OR7C1: variants seen among roughly 807,000 people sequenced by gnomAD.
The protein encoded by OR7C1 is olfactory receptor family 7 subfamily C member 1, also known as olfactory receptor 7C1.
For synonymous variants in OR7C1, 152 were observed against 160.7 expected (o/e 0.95, Z 0.41); for missense variants, 324 against 383.3 (o/e 0.85, Z 1.29).
chr19:14,828,256 T>G (rs775922417), intron 1 of OR7C1: 1 of 1,595,360 alleles, frequency 6.3e-7, no homozygotes, highest in Non-Finnish European at 8.6e-7. Context: ...TTGAAGTGAC[T>G]ATCAGAGAGA....
chr19:14,818,481 G>T (rs1044190890), intron 1 of OR7C1, among the ~76,000 whole-genome samples: 1 of 152,192 alleles, frequency 6.6e-6, no homozygotes, highest in Non-Finnish European at 1.5e-5. Context: ...AAAGGGGTAT[G>T]ATAGCAAGCT....
At chr19:14,818,899 C>T (rs2044728659) in intron 1 of OR7C1, among the ~76,000 whole-genome samples, 1 of 152,078 alleles carries the variant, frequency 6.6e-6, no homozygotes, top group African/African-American at 2.4e-5. Flanking sequence ...CCTTATTTCA[C>T]ACATTTTTTT....
At chr19:14,820,025 GC>G (rs1276349859) in intron 1 of OR7C1, among the ~76,000 whole-genome samples, 2 of 152,144 alleles carry the variant, frequency 1.3e-5, no homozygotes, top group Admixed American at 6.5e-5. Context: ...TTGTGCCTCA[GC>G]CTCCCGAGTA....
intron 1 of OR7C1, chr19:14,827,499 A>G: frequency 1.2e-6 from 2 of 1,614,096 alleles, no homozygotes; most frequent in Non-Finnish European, 1.7e-6. Flanking sequence ...AAATAAGGAG[A>G]CAACTGAGAG....
At chr19:14,817,113 A>G (rs950245416) in intron 1 of OR7C1, among the ~76,000 whole-genome samples, 9 of 152,202 alleles carry the variant, frequency 5.9e-5, no homozygotes, top group Non-Finnish European at 2.9e-5. Context: ...ATAATTGCAA[A>G]GTAAAGCTTG....
At chr19:14,822,234 T>A (rs558793764) in intron 1 of OR7C1, among the ~76,000 whole-genome samples, 2 of 152,296 alleles carry the variant, frequency 1.3e-5, no homozygotes, top group East Asian at 3.9e-4. Flanking sequence ...CATGGGATTA[T>A]ACACATATGG....
chr19:14,822,358 G>T (rs1012884683), intron 1 of OR7C1, among the ~76,000 whole-genome samples: 1 of 137,614 alleles, frequency 7.3e-6, no homozygotes. Context: ...ATCCTCATCA[G>T]CACTTATCTC....
intron 2 of OR7C1, among the ~76,000 whole-genome samples, chr19:14,806,502 A>G (rs2044667127): frequency 1.3e-5 from 2 of 151,982 alleles, no homozygotes; most frequent in Admixed American, 1.3e-4. Flanking sequence ...TCAGCCCTGC[A>G]TGCATTAGCT....
chr19:14,818,036 A>G (rs2044723455), intron 1 of OR7C1, among the ~76,000 whole-genome samples: 1 of 150,760 alleles, frequency 6.6e-6, no homozygotes, highest in Non-Finnish European at 1.5e-5. Flanking sequence ...TTGCCACAGC[A>G]GTTAATAAGT....
intron 2 of OR7C1, among the ~76,000 whole-genome samples, chr19:14,804,468 C>CTCTGAAATAGCAGAG: frequency 6.7e-6 from 1 of 150,056 alleles, no homozygotes; most frequent in African/African-American, 2.5e-5. Flanking sequence ...AGAGTCGCCA[C>CTCTGAAATAGCAGAG]ACTATAATAT....
intron 1 of OR7C1, chr19:14,827,169 A>G (rs2044775688): frequency 8.7e-7 from 1 of 1,147,652 alleles, no homozygotes; most frequent in Non-Finnish European, 1.2e-6. Context: ...TTGAAATCAC[A>G]ACAAATTGAA....
At chr19:14,802,159 C>G (rs2044645062) in intron 2 of OR7C1, among the ~76,000 whole-genome samples, 1 of 152,218 alleles carries the variant, frequency 6.6e-6, no homozygotes, top group Non-Finnish European at 1.5e-5. Flanking sequence ...CTGAATATGA[C>G]AACCCCACAG....
chr19:14,832,882 A>G (rs1359007675), intron 1 of OR7C1, among the ~76,000 whole-genome samples: 2 of 151,848 alleles, frequency 1.3e-5, no homozygotes, highest in Non-Finnish European at 1.5e-5. Context: ...ACATGCTATA[A>G]TAATAATTTA....
At chr19:14,799,103 G>A in exon 5 of OR7C1, 1 of 1,505,852 alleles carries the variant, frequency 6.6e-7, no homozygotes, top group Non-Finnish European at 8.9e-7. Flanking sequence ...AGAACTAAAA[G>A]AGAATACATT....
intron 1 of OR7C1, among the ~76,000 whole-genome samples, chr19:14,816,414 C>T (rs2044716550): frequency 6.6e-6 from 1 of 152,156 alleles, no homozygotes; most frequent in Non-Finnish European, 1.5e-5. Flanking sequence ...GCCAGTGTGG[C>T]TAGAATAGAG....
intron 2 of OR7C1, among the ~76,000 whole-genome samples, chr19:14,801,883 A>G (rs113575489): frequency 0.2 from 30,605 of 152,110 alleles, 3,264 homozygotes; most frequent in Admixed American, 0.24. Context: ...GCACTAGGGG[A>G]ATGGTGCTAA....
intron 1 of OR7C1, among the ~76,000 whole-genome samples, chr19:14,834,076 G>T (rs1421811324): frequency 7.4e-6 from 1 of 134,776 alleles, no homozygotes; most frequent in East Asian, 2.6e-4. Context: ...CCTGGACAAC[G>T]TGGTGAAACT....
rs33957500 is a variant in OR7C1 at position 14,805,406 on chromosome 19, ATTTTTTTTTT to A, written c.-435+4390_-435+4399del. ...GCAGGACCCAAGAAACAGGAAAATA[ATTTTTTTTTT>A]TTTTTTTTTTTTTTTTTTAGACAGA... On this transcript the variant is annotated intron_variant, in intron 2 of 4. Transcript: ENST00000641666. 1.6e-3 allele frequency among the ~76,000 whole-genome samples: 153 copies of A among 98,106 alleles called. 1 individual carries two copies. The highest frequency in any genetic ancestry group is 2.2e-3 in the Non-Finnish European group (112 of 50,970). The allele number at this position is 98,106 out of a possible 152,430, so 64.4% of individuals were successfully genotyped here. A position where few individuals can be genotyped will look rare whatever the true frequency, so the allele number is the denominator to read the frequency against.
exon 5 of OR7C1, chr19:14,799,034 T>G: frequency 9.2e-7 from 1 of 1,082,372 alleles, no homozygotes; most frequent in Non-Finnish European, 1.3e-6. Flanking sequence ...CCTCCCTATC[T>G]ACCTAAATAA....
Sources: allele counts gnomAD v4.1 joint callset (sites outside exome capture counted in the v4.1 genomes callset), GRCh38; gene constraint gnomAD v4.1.1; transcripts MANE v1.5; gene names NCBI Gene and HGNC (gene_info 2026-07-23, HGNC 2026-07-21).